ZNF674: variants seen among roughly 807,000 people sequenced by gnomAD.
The protein encoded by ZNF674 is zinc finger protein 674, also known as zinc finger family member 674.
Under a neutral mutation model 7.0 loss-of-function variants are expected in ZNF674, and 2 were observed. The observed-to-expected ratio is 0.29, with a 90% CI of 0.12 to 0.90. ZNF674 has a LOEUF of 0.90. ZNF674 is among the 40% of genes least tolerant of loss of function. The probability of loss-of-function intolerance (pLI) is 0.57; values close to 1 mark genes in which losing one functional copy is unlikely to be tolerated. For missense variants in ZNF674, 297 were observed against 415.5 expected (o/e 0.71, Z 2.48); for synonymous variants, 103 against 145.2 (o/e 0.71, Z 2.09).
intron 5 of ZNF674, among the ~76,000 whole-genome samples, chrX:46,503,690 G>T (rs2146589064): frequency 9.0e-6 from 1 of 111,708 alleles, no homozygotes; most frequent in African/African-American, 3.2e-5. Context: ...GCAAGATAAT[G>T]CTTATATGCC....
chrX:46,520,416 T>TA (rs1399849935), intron 5 of ZNF674, among the ~76,000 whole-genome samples: 1 of 110,319 alleles, frequency 9.1e-6, no homozygotes, highest in Non-Finnish European at 1.9e-5. Flanking sequence ...AATAAATAAA[T>TA]AATAAAAAGA....
intron 5 of ZNF674, among the ~76,000 whole-genome samples, chrX:46,512,781 T>TA (rs1941685611): frequency 9.3e-6 from 1 of 107,115 alleles, no homozygotes; most frequent in African/African-American, 3.4e-5. Flanking sequence ...AAAAAAAAAT[T>TA]ACACAAAAAG....
chrX:46,524,708 A>G (rs991086018), intron 5 of ZNF674, among the ~76,000 whole-genome samples: 4 of 106,530 alleles, frequency 3.8e-5, no homozygotes, highest in Admixed American at 3.1e-4. Context: ...GAAAAAAAAA[A>G]AAAAGAAAAA....
intron 5 of ZNF674, 144 bp downstream of exon 5, chrX:46,528,206 G>C (rs1942042541): frequency 4.9e-6 from 3 of 606,321 alleles, no homozygotes; most frequent in Non-Finnish European, 8.3e-6. Flanking sequence ...ATTTGGACAT[G>C]ACAACAGTTC....
chrX:46,536,467 G>A (rs1243310037), intron 3 of ZNF674, among the ~76,000 whole-genome samples: 1 of 110,113 alleles, frequency 9.1e-6, no homozygotes, highest in Non-Finnish European at 1.9e-5. Flanking sequence ...GCACGCACCT[G>A]TAGTCCCAGC....
At chrX:46,541,671 G>A (rs1032102908) in intron 3 of ZNF674, among the ~76,000 whole-genome samples, 1 of 112,064 alleles carries the variant, frequency 8.9e-6, no homozygotes, top group Non-Finnish European at 1.9e-5. Context: ...CGTGGTACTG[G>A]GGGGAGAAGA....
At chrX:46,530,961 T>C (rs1193854925) in intron 3 of ZNF674, among the ~76,000 whole-genome samples, 1 of 112,279 alleles carries the variant, frequency 8.9e-6, no homozygotes, top group African/African-American at 3.2e-5. Context: ...CTGGCTCCTG[T>C]GATCCCAGCA....
At chrX:46,524,727 T>C (rs1340414166) in intron 5 of ZNF674, among the ~76,000 whole-genome samples, 1 of 108,135 alleles carries the variant, frequency 9.2e-6, no homozygotes, top group African/African-American at 3.4e-5. Flanking sequence ...AATCTGCAAA[T>C]TGACTAGGCA....
rs1366213974 is a variant in ZNF674 at position 46,501,744 on chromosome X, A to T, written c.239-409T>A. On this transcript the variant is annotated intron_variant, in intron 5 of 5. Transcript: ENST00000683375. ...ACCTACCAATAACAAGACCAACTTT[A>T]AAAATTTTTCAGTTTATAGGCTCTG... is the stretch of plus-strand genomic sequence containing the variant. Among the ~76,000 whole-genome samples, 13 of 109,269 alleles carry T rather than the reference A, an allele frequency of 1.2e-4. No individual in the cohort carries two copies. The Admixed American group carries it at 1.2e-3, about 10-fold the overall frequency. The allele number at this position is 109,269 out of a possible 115,157, so 94.9% of individuals were successfully genotyped here.
intron 5 of ZNF674, among the ~76,000 whole-genome samples, chrX:46,510,391 C>T (rs765884151): frequency 2.5e-4 from 28 of 112,000 alleles, no homozygotes; most frequent in African/African-American, 7.8e-4. Context: ...AATTTATTCA[C>T]GTAATCTACC....
intron 5 of ZNF674, among the ~76,000 whole-genome samples, chrX:46,523,808 C>T (rs1257748856): frequency 9.0e-6 from 1 of 110,960 alleles, no homozygotes; most frequent in Admixed American, 9.7e-5. Flanking sequence ...TTTGAGAAGC[C>T]GAGGCTGGTA....
At chrX:46,524,908 G>A (rs992037419) in intron 5 of ZNF674, among the ~76,000 whole-genome samples, 2 of 109,658 alleles carry the variant, frequency 1.8e-5, no homozygotes, top group African/African-American at 6.6e-5. Context: ...TACTCTGGAG[G>A]CTAAGGCAGG....
chrX:46,541,556 T>TA (rs895848909), intron 3 of ZNF674, among the ~76,000 whole-genome samples: 2 of 110,582 alleles, frequency 1.8e-5, no homozygotes, highest in East Asian at 2.8e-4. Context: ...TGTAAAAGCA[T>TA]AAAAAAAATA....
rs1241624964 is a variant in ZNF674 at position 46,519,072 on chromosome X, G to A, written c.238+9278C>T. Among the ~76,000 whole-genome samples, 3 of 107,773 alleles carry A rather than the reference G, an allele frequency of 2.8e-5. No homozygotes were observed. In the Admixed American group the frequency reaches 3.1e-4, roughly 11 times the overall value. The allele number at this position is 107,773 out of a possible 115,157, so 93.6% of individuals were successfully genotyped here. On this transcript the variant is annotated intron_variant, in intron 5 of 5. Transcript: ENST00000683375. ...ACAAAACTTAGCTGGGCGTGGTGGT[G>A]TGTGCCTGTAGTCCCAGCTACTCGG... is the stretch of plus-strand genomic sequence containing the variant.
rs759709646 is a variant in ZNF674 at position 46,499,271 on chromosome X, T to G, written c.*572A>C. The G allele has an allele frequency of 8.9e-6, 1 of 112,058 alleles. No individual in the cohort carries two copies. Among genetic ancestry groups the G allele is most frequent in the Non-Finnish European group, 1.9e-5 (1 of 53,362 alleles). The allele number at this position is 112,058 out of a possible 1,213,427, so 9.2% of individuals were successfully genotyped here. On this transcript the variant is annotated 3_prime_UTR_variant, in exon 6 of 6. Coordinates refer to ENST00000683375, the MANE Select transcript of ZNF674 (RefSeq NM_001190417.2). The stretch of plus-strand genomic sequence containing the variant: ...TCTGCCTCCTGGGCTCAAGCCACCC[T>G]CCTACTTCAACCTCCTGAGTAGCTG...
chrX:46,503,622 T>C (rs774929051), intron 5 of ZNF674, among the ~76,000 whole-genome samples: 1 of 111,832 alleles, frequency 8.9e-6, no homozygotes, highest in East Asian at 2.8e-4. Flanking sequence ...CAGAGATGTG[T>C]TGAAAATAAA....
At chrX:46,524,827 C>T (rs1474301444) in intron 5 of ZNF674, among the ~76,000 whole-genome samples, 1 of 110,352 alleles carries the variant, frequency 9.1e-6, no homozygotes, top group African/African-American at 3.3e-5. Flanking sequence ...CTGGGCAACA[C>T]AACAAGACCT....
Position 46,500,117 on chromosome X carries a change from T to C in ZNF674, c.1457A>G (p.His486Arg). The change falls in exon 6 of 6, where the codon CAT becomes CGT. Residue 486 changes from histidine to arginine, a missense_variant. Transcript: ENST00000683375. ...GCATTCATAGGGTCTCTCTCCTGTA[T>C]GAATTCTCTGATGTTTAATCAGTGG... is the stretch of plus-strand genomic sequence containing the variant. The part of the protein sequence containing the change: ...KSPLIKHQRI[H>R]TGERPYECTD... 2 of 1,212,180 alleles carry C rather than the reference T, an allele frequency of 1.6e-6. No homozygotes were observed. The highest frequency in any genetic ancestry group is 1.8e-5 in the South Asian group (1 of 57,036).
chrX:46,538,465 A>G (rs1277303401), intron 3 of ZNF674, among the ~76,000 whole-genome samples: 1 of 112,259 alleles, frequency 8.9e-6, no homozygotes, highest in Non-Finnish European at 1.9e-5. Context: ...CATATATGAT[A>G]GAGATCTTAT....
Sources: allele counts gnomAD v4.1 joint callset (sites outside exome capture counted in the v4.1 genomes callset), GRCh38; gene constraint gnomAD v4.1.1; transcripts MANE v1.5; gene names NCBI Gene and HGNC (gene_info 2026-07-23, HGNC 2026-07-21).